ALOX5: variants seen among roughly 807,000 people sequenced by gnomAD.
The protein encoded by ALOX5 is polyunsaturated fatty acid 5-lipoxygenase.
A neutral mutation model predicts 87.9 loss-of-function variants in ALOX5; 64 were observed. That is an observed-to-expected ratio of 0.73 (90% CI 0.60 to 0.90). The LOEUF is 0.90. Ranked by LOEUF, ALOX5 falls within the 40% of genes least tolerant of loss-of-function variation. The pLI is 0.00. For synonymous variants in ALOX5, 388 were observed against 355.1 expected (o/e 1.09, Z -1.04); for missense variants, 822 against 907.5 (o/e 0.91, Z 1.21).
chr10:45,375,992 C>A (rs1171697151), intron 1 of ALOX5, among the ~76,000 whole-genome samples: 1 of 152,192 alleles, frequency 6.6e-6, no homozygotes, highest in African/African-American at 2.4e-5. Flanking sequence ...AGGCTACTTC[C>A]CCTTTGTAAG....
intron 9 of ALOX5, chr10:45,442,781 C>A (rs1010299449): frequency 3.2e-5 from 15 of 468,114 alleles, no homozygotes; most frequent in Admixed American, 7.8e-5. Flanking sequence ...TGGGAGCGCA[C>A]CCTTCCCTCT....
rs531008458 is a variant in ALOX5 at position 45,379,130 on chromosome 10, T to A, written c.151-3353T>A. Among the ~76,000 whole-genome samples, 4 of 152,246 alleles carry A rather than the reference T, an allele frequency of 2.6e-5. No individual in the cohort carries two copies. In the East Asian group the frequency reaches 7.7e-4, roughly 29 times the overall value. On this transcript the variant is annotated intron_variant, in intron 1 of 13. Coordinates refer to ENST00000374391, the MANE Select transcript of ALOX5 (RefSeq NM_000698.5). ...CCCCAGGTAGACATCGGGCCCTCCC[T>A]GTGGGACCTGCCCAGTCCTGGAATG...
intron 2 of ALOX5, among the ~76,000 whole-genome samples, chr10:45,392,203 G>A (rs1463997601): frequency 6.6e-6 from 1 of 152,252 alleles, no homozygotes; most frequent in Non-Finnish European, 1.5e-5. Flanking sequence ...CCATCTGGGA[G>A]GTGTAGCCAA....
At position 45,445,867 on chromosome 10, in the gene ALOX5, A is replaced by G. The variant is rs1300384788; in HGVS notation, c.*180A>G. 2 of 675,274 alleles carry G rather than the reference A, an allele frequency of 3.0e-6. No individual in the cohort carries two copies. Among genetic ancestry groups the G allele is most frequent in the Non-Finnish European group, 2.5e-6 (1 of 407,556 alleles). 41.8% of individuals were successfully genotyped at this position (675,274 alleles called of 1,614,324 possible). A position where few individuals can be genotyped will look rare whatever the true frequency, so the allele number is the denominator to read the frequency against. ...ATAGATTGATCAAAGTGTAAACACCATAGGGACCCATTCTACACAGAGCAG... is the reference window on the plus strand; with the variant it reads ...ATAGATTGATCAAAGTGTAAACACCGTAGGGACCCATTCTACACAGAGCAG... On this transcript the variant is annotated 3_prime_UTR_variant, in exon 14 of 14. Coordinates refer to ENST00000374391, the MANE Select transcript of ALOX5 (RefSeq NM_000698.5).
At chr10:45,382,461 G>C (rs1197816614) in intron 1 of ALOX5, 22 bp from the exon 2 acceptor site, 1 of 1,613,934 alleles carries the variant, frequency 6.2e-7, no homozygotes. Context: ...CGCATGGCCT[G>C]ATTGCCTGTT....
At chr10:45,384,580 T>C (rs1839950245) in intron 2 of ALOX5, among the ~76,000 whole-genome samples, 1 of 152,162 alleles carries the variant, frequency 6.6e-6, no homozygotes, top group South Asian at 2.1e-4. Context: ...TCTTTAAGGC[T>C]TCTCACAGAA....
intron 1 of ALOX5, among the ~76,000 whole-genome samples, chr10:45,375,462 C>T (rs945898365): frequency 2.0e-5 from 3 of 152,170 alleles, no homozygotes; most frequent in African/African-American, 7.2e-5. Flanking sequence ...CCCTTCCACC[C>T]CACCCCAGCT....
chr10:45,428,642 T>A lies in ALOX5; in HGVS notation c.859T>A (p.Phe287Ile). 1 of 1,614,150 alleles carries A rather than the reference T, an allele frequency of 6.2e-7. No homozygotes were observed. The highest frequency in any genetic ancestry group is 8.5e-7 in the Non-Finnish European group (1 of 1,180,014). Residue 287 changes from phenylalanine to isoleucine, a missense_variant, in exon 7 of 14, where the codon TTT becomes ATT. Phe to Ile is a conservative substitution (Grantham distance 21). Coordinates refer to ENST00000374391, the MANE Select transcript of ALOX5 (RefSeq NM_000698.5). ...GCAAGGGAACATTTTCATCGTGGAC[T>A]TTGAGCTGCTGGATGGCATCGATGC... ...VQQGNIFIVD[F>I]ELLDGIDANK... is the part of the protein sequence containing the mutation.
Position 45,412,246 on chromosome 10 carries a change from G to C in ALOX5, c.487G>C (p.Asp163His). 1 of 1,614,150 alleles carries C rather than the reference G, an allele frequency of 6.2e-7. No homozygotes were observed. Among genetic ancestry groups the C allele is most frequent in the Non-Finnish European group, 8.5e-7 (1 of 1,180,026 alleles). The change falls in exon 4 of 14, where the codon GAT becomes CAT. Residue 163 changes from aspartate (D) to histidine (H), a missense_variant. Transcript: ENST00000374391. ...GAGCATCGATGCCAAATGCCACAAG[G>C]ATTTACCCCGTGATATCCAGTTTGA... ...PLSIDAKCHKDLPRDIQFDSE... is the reference protein window; with the variant it reads ...PLSIDAKCHKHLPRDIQFDSE...
At chr10:45,428,897 G>A in intron 7 of ALOX5, 133 bp downstream of exon 7, 2 of 1,238,362 alleles carry the variant, frequency 1.6e-6, no homozygotes, top group Non-Finnish European at 1.1e-6. Context: ...CAGGCCCTGA[G>A]GTGGGCTGTC....
At chr10:45,390,468 G>C (rs1282225187) in intron 2 of ALOX5, among the ~76,000 whole-genome samples, 1 of 152,198 alleles carries the variant, frequency 6.6e-6, no homozygotes, top group Non-Finnish European at 1.5e-5. Flanking sequence ...AAATGTAAAA[G>C]AACAGAAACC....
intron 1 of ALOX5, among the ~76,000 whole-genome samples, chr10:45,379,918 C>T (rs778390763): frequency 1.3e-5 from 2 of 152,188 alleles, no homozygotes; most frequent in Non-Finnish European, 2.9e-5. Flanking sequence ...CCCCACTCCT[C>T]GGTGGGATCA....
At chr10:45,438,076 G>A (rs1195029552) in intron 7 of ALOX5, among the ~76,000 whole-genome samples, 1 of 151,590 alleles carries the variant, frequency 6.6e-6, no homozygotes, top group African/African-American at 2.4e-5. Context: ...AATCTTCAGG[G>A]TTTTCTAGGT....
chr10:45,443,442 A>G lies in ALOX5; in HGVS notation c.1478A>G (p.Tyr493Cys), dbSNP rs913502418. The change falls in exon 11 of 14, where the codon TAC (tyrosine) becomes TGC (cysteine). Residue 493 changes from tyrosine (Y) to cysteine (C), a missense_variant. By Grantham distance (194) the Tyr-to-Cys change is radical. Transcript: ENST00000374391. ...RTFTAEVVDIYYEGDQVVEED... is the reference protein window; with the variant it reads ...RTFTAEVVDICYEGDQVVEED... ...TTCACGGCCGAGGTGGTAGACATCT[A>G]CTACGAGGGCGACCAGGTGGTGGAG... is the stretch of plus-strand genomic sequence containing the variant. 46 of 1,609,844 alleles carry G rather than the reference A, an allele frequency of 2.9e-5. No homozygotes were observed. The highest frequency in any genetic ancestry group is 3.9e-5 in the Non-Finnish European group (46 of 1,178,396).
chr10:45,386,604 G>T (rs1187609063), intron 2 of ALOX5, among the ~76,000 whole-genome samples: 1 of 151,848 alleles, frequency 6.6e-6, no homozygotes, highest in Non-Finnish European at 1.5e-5. Flanking sequence ...CTTGGATTTT[G>T]AATATCTTTG....
intron 7 of ALOX5, 41 bp downstream of exon 7, chr10:45,428,805 CTCT>C: frequency 6.2e-7 from 1 of 1,610,018 alleles, no homozygotes; most frequent in South Asian, 1.1e-5. Flanking sequence ...CAGCTCAGTC[CTCT>C]GCGATCCAGG....
intron 6 of ALOX5, chr10:45,428,325 C>T (rs111848131): frequency 6.2e-6 from 3 of 483,436 alleles, no homozygotes; most frequent in South Asian, 3.6e-5. Context: ...TCTTAGTAAA[C>T]TGACACTCGG....
In ALOX5 at chr10:45,425,955, A is replaced by G. The variant is rs760742305; in HGVS notation, c.834+823A>G. The stretch of plus-strand genomic sequence containing the variant: ...CCCAGTACCTGGCCCACCTGAATCT[A>G]GAGGGCCACCCACCCAGCTGAAGTC... On this transcript the variant is annotated intron_variant, in intron 6 of 13. Coordinates refer to ENST00000374391, the MANE Select transcript of ALOX5 (RefSeq NM_000698.5). The surrounding 1 kb of genome is among the most constrained non-coding windows in gnomAD (Gnocchi z 4.4). 5.3e-5 allele frequency among the ~76,000 whole-genome samples: 8 copies of G among 152,148 alleles called. No homozygotes were observed. The highest frequency in any genetic ancestry group is 2.0e-4 in the Admixed American group (3 of 15,274).
intron 7 of ALOX5, among the ~76,000 whole-genome samples, chr10:45,436,519 ATTGT>A (rs1554798813): frequency 6.6e-6 from 1 of 151,950 alleles, no homozygotes; most frequent in Non-Finnish European, 1.5e-5. Context: ...TCCTTTCCTT[ATTGT>A]TTATTTTTGT....
Sources: allele counts gnomAD v4.1 joint callset (sites outside exome capture counted in the v4.1 genomes callset), GRCh38; gene constraint gnomAD v4.1.1; non-coding constraint Gnocchi (gnomAD v3.1); transcripts MANE v1.5; gene names NCBI Gene and HGNC (gene_info 2026-07-23, HGNC 2026-07-21).